Variants in TMEM108 observed in about 807,000 individuals in gnomAD.
TMEM108 encodes cancer/testis antigen 124.
Under a neutral mutation model 35.1 loss-of-function variants are expected in TMEM108, and 12 were observed. The observed-to-expected ratio is 0.34, with a 90% confidence interval of 0.22 to 0.55. The LOEUF (loss-of-function observed/expected upper bound fraction) is 0.55, where lower values mean the gene tolerates loss of function less well. Among genes scored for constraint, TMEM108 ranks in the 20% least tolerant of loss-of-function variants. TMEM108 has a pLI of 0.89. For synonymous variants in TMEM108, 287 were observed against 308.6 expected (o/e 0.93, Z 0.73); for missense variants, 680 against 753.3 (o/e 0.90, Z 1.14).
chr3:133,261,677 A>T (rs1024770654), intron 3 of TMEM108, among the ~76,000 whole-genome samples: 3 of 152,232 alleles, frequency 2.0e-5, no homozygotes, highest in African/African-American at 7.2e-5. Context: ...TGTTAATTCC[A>T]ATAAACGTTG....
At chr3:133,113,031 T>C (rs756532353) in intron 2 of TMEM108, among the ~76,000 whole-genome samples, 1 of 152,228 alleles carries the variant, frequency 6.6e-6, no homozygotes, top group Non-Finnish European at 1.5e-5. Context: ...TCAAGAAGTA[T>C]GTCATTTTTC....
chr3:133,054,347 G>A (rs1943440482), intron 2 of TMEM108, among the ~76,000 whole-genome samples: 1 of 152,118 alleles, frequency 6.6e-6, no homozygotes, highest in Non-Finnish European at 1.5e-5. Context: ...ATGGGGAATT[G>A]TATTTCCCAT....
intron 3 of TMEM108, among the ~76,000 whole-genome samples, chr3:133,331,237 T>C (rs2071389745): frequency 6.6e-6 from 1 of 152,348 alleles, no homozygotes; most frequent in East Asian, 1.9e-4. Flanking sequence ...AAAGGGAATA[T>C]ACTGACGTTT....
chr3:133,224,069 G>A (rs1946031723), intron 2 of TMEM108, among the ~76,000 whole-genome samples: 1 of 152,142 alleles, frequency 6.6e-6, no homozygotes, highest in East Asian at 1.9e-4. Context: ...AATTTCCAGA[G>A]ACTACTGAAG....
chr3:133,138,778 T>A (rs991116732), intron 2 of TMEM108, among the ~76,000 whole-genome samples: 1 of 152,100 alleles, frequency 6.6e-6, no homozygotes, highest in African/African-American at 2.4e-5. Context: ...TTTTTTTTTT[T>A]AATACTTTAA....
At chr3:133,185,784 C>CTTTTTTTTTTTTTTTTTTTTTTTTT (rs11309146) in intron 2 of TMEM108, among the ~76,000 whole-genome samples, 1 of 127,094 alleles carries the variant, frequency 7.9e-6, no homozygotes, top group Non-Finnish European at 1.6e-5. Context: ...CTTTTCTTTT[C>CTTTTTTTTTTTTTTTTTTTTTTTTT]TTTTTTTTTT....
intron 3 of TMEM108, among the ~76,000 whole-genome samples, chr3:133,370,427 T>C (rs2072624917): frequency 6.6e-6 from 1 of 152,198 alleles, no homozygotes; most frequent in African/African-American, 2.4e-5. Flanking sequence ...ATATCAAGGG[T>C]ACATATTGTC....
At chr3:133,241,741 A>G (rs1411493516) in intron 3 of TMEM108, among the ~76,000 whole-genome samples, 2 of 150,922 alleles carry the variant, frequency 1.3e-5, no homozygotes, top group African/African-American at 4.9e-5. Context: ...CAGCCTCCCA[A>G]GTAGCTGGGA....
chr3:133,120,494 G>A (rs139281891), intron 2 of TMEM108, among the ~76,000 whole-genome samples: 206 of 152,230 alleles, frequency 1.4e-3, no homozygotes, highest in African/African-American at 4.2e-3. Flanking sequence ...CTGTGTGCCT[G>A]GTTCAAATCC....
intron 3 of TMEM108, among the ~76,000 whole-genome samples, chr3:133,285,218 A>G (rs1378076225): frequency 6.6e-6 from 1 of 152,214 alleles, no homozygotes; most frequent in African/African-American, 2.4e-5. Flanking sequence ...TTAAATGTAA[A>G]TCATCCATAA....
At chr3:133,268,739 A>G (rs1946731947) in intron 3 of TMEM108, among the ~76,000 whole-genome samples, 1 of 152,230 alleles carries the variant, frequency 6.6e-6, no homozygotes, top group Admixed American at 6.5e-5. Flanking sequence ...ATCATTTTCC[A>G]ACCAGCTTAT....
chr3:133,304,714 A>T (rs1947277259), intron 3 of TMEM108, among the ~76,000 whole-genome samples: 1 of 152,132 alleles, frequency 6.6e-6, no homozygotes, highest in Non-Finnish European at 1.5e-5. Flanking sequence ...ATTCCATCAT[A>T]AGGATACGCC....
At chr3:133,174,596 A>G (rs1384767680) in intron 2 of TMEM108, among the ~76,000 whole-genome samples, 1 of 152,222 alleles carries the variant, frequency 6.6e-6, no homozygotes, top group Non-Finnish European at 1.5e-5. Context: ...GCAAACTCCA[A>G]CAGACCTGCA....
intron 2 of TMEM108, among the ~76,000 whole-genome samples, chr3:133,118,108 C>A (rs546814852): frequency 6.6e-6 from 1 of 150,850 alleles, no homozygotes; most frequent in African/African-American, 2.5e-5. Flanking sequence ...TAGAGTACTA[C>A]CTCTAGGTTC....
chr3:133,218,049 A>G (rs1341395763), intron 2 of TMEM108, among the ~76,000 whole-genome samples: 1 of 152,014 alleles, frequency 6.6e-6, no homozygotes, highest in African/African-American at 2.4e-5. Context: ...CAATCCATGA[A>G]CATAGGATGT....
At chr3:133,372,509 C>G (rs1037395799) in intron 3 of TMEM108, among the ~76,000 whole-genome samples, 13 of 152,154 alleles carry the variant, frequency 8.5e-5, no homozygotes, top group Non-Finnish European at 1.5e-4. Context: ...GTCTGTCAGC[C>G]CCCTAGAGCT....
chr3:133,162,644 T>C (rs1944977494), intron 2 of TMEM108, among the ~76,000 whole-genome samples: 1 of 152,238 alleles, frequency 6.6e-6, no homozygotes, highest in South Asian at 2.1e-4. Flanking sequence ...GGATGTGGTC[T>C]TGGGAAAGCA....
chr3:133,297,956 A>G (rs1448176704), intron 3 of TMEM108, among the ~76,000 whole-genome samples: 1 of 152,176 alleles, frequency 6.6e-6, no homozygotes, highest in Non-Finnish European at 1.5e-5. Flanking sequence ...CTAAATGTGC[A>G]CAAGTCCCTG....
intron 3 of TMEM108, among the ~76,000 whole-genome samples, chr3:133,241,594 A>G (rs1166150304): frequency 1.6e-5 from 2 of 124,446 alleles, no homozygotes; most frequent in Non-Finnish European, 3.4e-5. Flanking sequence ...GAGTGTTTGT[A>G]TTAGTTTCCT....
Sources: allele counts gnomAD v4.1 joint callset (sites outside exome capture counted in the v4.1 genomes callset), GRCh38; gene constraint gnomAD v4.1.1; transcripts MANE v1.5; gene names NCBI Gene and HGNC (gene_info 2026-07-23, HGNC 2026-07-21).